Variants in DOCK3 observed in about 807,000 individuals in gnomAD.
DOCK3 encodes the protein dedicator of cytokinesis protein 3.
In DOCK3, 60 loss-of-function variants were observed where a neutral mutation model predicts 265.6. That is an observed-to-expected ratio of 0.23 (90% CI 0.18 to 0.28). DOCK3 has a LOEUF of 0.28. Ranked by LOEUF, DOCK3 falls within the 10% of genes least tolerant of loss-of-function variation. The pLI is 1.00. For synonymous variants in DOCK3, 881 were observed against 938.0 expected (o/e 0.94, Z 1.11); for missense variants, 1,981 against 2,594.3 (o/e 0.76, Z 5.14).
intron 1 of DOCK3, among the ~76,000 whole-genome samples, chr3:50,704,964 C>A (rs1294096107): frequency 6.6e-6 from 1 of 151,444 alleles, no homozygotes. Context: ...AAACTGTTTA[C>A]ATTCAAGGTT....
intron 9 of DOCK3, among the ~76,000 whole-genome samples, chr3:51,144,791 T>C (rs1280817641): frequency 1.3e-5 from 2 of 152,220 alleles, no homozygotes; most frequent in Non-Finnish European, 2.9e-5. Flanking sequence ...AATAACAATT[T>C]GTAGACGGAC....
intron 7 of DOCK3, among the ~76,000 whole-genome samples, chr3:51,080,233 G>A (rs1164111162): frequency 2.0e-5 from 3 of 152,124 alleles, no homozygotes; most frequent in African/African-American, 7.2e-5. Flanking sequence ...CTAGACTTTT[G>A]TAGACCAAAT....
chr3:51,345,960 T>G (rs2085535682), intron 38 of DOCK3, among the ~76,000 whole-genome samples: 1 of 152,192 alleles, frequency 6.6e-6, no homozygotes, highest in Non-Finnish European at 1.5e-5. Flanking sequence ...TAATACAAGA[T>G]TGGCTGTGAG....
intron 2 of DOCK3, among the ~76,000 whole-genome samples, chr3:50,821,648 A>G (rs1156895386): frequency 1.3e-5 from 2 of 152,096 alleles, no homozygotes; most frequent in Non-Finnish European, 2.9e-5. Flanking sequence ...AATCTTTAAT[A>G]TATCTTGAGT....
chr3:50,971,996 C>A (rs1446865516), intron 5 of DOCK3, among the ~76,000 whole-genome samples: 2 of 152,212 alleles, frequency 1.3e-5, no homozygotes, highest in Non-Finnish European at 2.9e-5. Flanking sequence ...ATGCTCTTGT[C>A]CAGTGCTCGG....
At chr3:50,829,568 A>G (rs1008517140) in intron 2 of DOCK3, among the ~76,000 whole-genome samples, 1 of 152,036 alleles carries the variant, frequency 6.6e-6, no homozygotes, top group Non-Finnish European at 1.5e-5. Flanking sequence ...TTCTGCTGGT[A>G]TGCCCTCAGA....
intron 12 of DOCK3, among the ~76,000 whole-genome samples, chr3:51,170,882 G>A (rs1345658105): frequency 6.7e-6 from 1 of 149,100 alleles, no homozygotes; most frequent in Non-Finnish European, 1.5e-5. Context: ...GGCAGAGATT[G>A]CAGTGAGCCA....
chr3:50,783,928 CAT>C (rs1295934055), intron 2 of DOCK3, among the ~76,000 whole-genome samples: 1 of 149,764 alleles, frequency 6.7e-6, no homozygotes, highest in Non-Finnish European at 1.5e-5. Context: ...GGTGCAGTGG[CAT>C]GATCTGGGCT....
chr3:50,763,855 T>C (rs1208850677), intron 1 of DOCK3, among the ~76,000 whole-genome samples: 1 of 152,226 alleles, frequency 6.6e-6, no homozygotes, highest in Non-Finnish European at 1.5e-5. Flanking sequence ...TCGATTTCTT[T>C]GCTCAGTTTT....
chr3:51,052,823 T>C (rs2081043100), intron 5 of DOCK3, among the ~76,000 whole-genome samples: 1 of 151,978 alleles, frequency 6.6e-6, no homozygotes. Context: ...ATTCTTTTAC[T>C]GTGGAATGTG....
intron 5 of DOCK3, among the ~76,000 whole-genome samples, chr3:50,978,985 T>C (rs1284351496): frequency 6.6e-6 from 1 of 152,308 alleles, no homozygotes; most frequent in South Asian, 2.1e-4. Context: ...AGTGAGGCAA[T>C]GCCTTACCCT....
At chr3:51,006,779 C>G (rs2078693169) in intron 5 of DOCK3, among the ~76,000 whole-genome samples, 1 of 152,162 alleles carries the variant, frequency 6.6e-6, no homozygotes, top group African/African-American at 2.4e-5. Flanking sequence ...CCTGCTCCCC[C>G]TACCCCACAA....
chr3:51,258,243 A>G (rs1295277942), intron 22 of DOCK3, among the ~76,000 whole-genome samples: 1 of 152,222 alleles, frequency 6.6e-6, no homozygotes, highest in South Asian at 2.1e-4. Flanking sequence ...GAGGAGTAGT[A>G]TGGAGCACAT....
At chr3:50,866,256 G>T (rs1250869356) in intron 3 of DOCK3, among the ~76,000 whole-genome samples, 1 of 152,112 alleles carries the variant, frequency 6.6e-6, no homozygotes, top group Non-Finnish European at 1.5e-5. Flanking sequence ...GGAGGCTGAG[G>T]TGGGCAGATC....
At chr3:51,145,583 C>G (rs975706562) in intron 9 of DOCK3, among the ~76,000 whole-genome samples, 3 of 152,152 alleles carry the variant, frequency 2.0e-5, no homozygotes, top group Non-Finnish European at 4.4e-5. Context: ...CTTAAAACAT[C>G]GTGAGATTTT....
At chr3:50,882,891 G>C (rs2048123526) in intron 3 of DOCK3, among the ~76,000 whole-genome samples, 1 of 152,190 alleles carries the variant, frequency 6.6e-6, no homozygotes, top group African/African-American at 2.4e-5. Context: ...TGATAGACTG[G>C]ATTAAGAAAA....
rs1192008187 is a variant in DOCK3, at chr3:51,382,946, T to C, written c.*1387T>C. On this transcript the variant is annotated 3_prime_UTR_variant, in exon 53 of 53. Coordinates refer to ENST00000266037, the MANE Select transcript of DOCK3 (RefSeq NM_004947.5). ...CTTTACCAGGGTGCTTTTAAGTTAC[T>C]TTAAAAAAAGCCTACAAAATATTTT... 1.3e-5 allele frequency: 2 copies of C among 152,306 alleles called. No homozygotes were observed. The highest frequency in any genetic ancestry group is 6.5e-5 in the Admixed American group (1 of 15,286). 9.4% of individuals were successfully genotyped at this position (152,306 alleles called of 1,614,324 possible). A position where few individuals can be genotyped will look rare whatever the true frequency, so the allele number is the denominator to read the frequency against.
intron 3 of DOCK3, among the ~76,000 whole-genome samples, chr3:50,859,685 G>A (rs1292750551): frequency 6.6e-6 from 1 of 152,124 alleles, no homozygotes; most frequent in Non-Finnish European, 1.5e-5. Context: ...GGTTTTATTT[G>A]AAGCTGACTT....
intron 1 of DOCK3, among the ~76,000 whole-genome samples, chr3:50,733,007 C>T (rs2038317384): frequency 1.3e-5 from 2 of 152,076 alleles, no homozygotes; most frequent in Admixed American, 6.6e-5. Flanking sequence ...GTCTTGAACT[C>T]CTGAGTTCAA....
Sources: allele counts gnomAD v4.1 joint callset (sites outside exome capture counted in the v4.1 genomes callset), GRCh38; gene constraint gnomAD v4.1.1; transcripts MANE v1.5; gene names NCBI Gene and HGNC (gene_info 2026-07-23, HGNC 2026-07-21).